GPAA1: variants seen among roughly 807,000 people sequenced by gnomAD.
The protein encoded by GPAA1 is glycosylphosphatidylinositol anchor attachment 1, also known as GPI-anchor transamidase component GPAA1.
In GPAA1, 54 loss-of-function variants were observed where a neutral mutation model predicts 64.0. That is an observed-to-expected ratio of 0.84 (90% CI 0.68 to 1.06). GPAA1 has a LOEUF of 1.06. GPAA1 is among the 50% of genes least tolerant of loss of function. The pLI, the probability that GPAA1 is intolerant of heterozygous loss-of-function variation, is 0.00. For synonymous variants in GPAA1, 393 were observed against 377.3 expected (o/e 1.04, Z -0.48); for missense variants, 780 against 822.3 (o/e 0.95, Z 0.63).
At position 144,083,723 on chromosome 8, in the gene GPAA1, G is replaced by A; in HGVS notation, c.376G>A (p.Gly126Ser). 6.2e-7 allele frequency: 1 copy of A among 1,602,916 alleles called. No homozygotes were observed. The highest frequency in any genetic ancestry group is 1.7e-5 in the Admixed American group (1 of 59,970). The change falls in exon 4 of 12, where the codon GGC (glycine) becomes AGC (serine). Residue 126 changes from glycine to serine, a missense_variant. Coordinates refer to ENST00000355091, the MANE Select transcript of GPAA1 (RefSeq NM_003801.4). ...CCGATGCTGCATACAGATGGTGTCG[G>A]GCACCAACGTGTACGGCATCCTGCG... The part of the protein sequence containing the change: ...DETHERYMVS[G>S]TNVYGILRAP...
Position 144,084,343 on chromosome 8 carries a change from G to A in GPAA1, c.813+13G>A, listed in dbSNP as rs781975635. On this transcript the variant is annotated intron_variant, in intron 6 of 11. Coordinates refer to ENST00000355091, the MANE Select transcript of GPAA1 (RefSeq NM_003801.4). The stretch of plus-strand genomic sequence containing the variant: ...GCTTCAGGGCAAGGTGGGGCTGCCT[G>A]CCTGCCTGAGGGCTGAAGGGCACAG... 8.7e-6 allele frequency: 14 copies of A among 1,612,598 alleles called. No individual in the cohort carries two copies. In the Admixed American group the frequency reaches 2.3e-4, roughly 27 times the overall value.
chr8:144,084,799 C>T lies in GPAA1; in HGVS notation c.1088C>T (p.Pro363Leu), dbSNP rs1835969845. 6.2e-7 allele frequency: 1 copy of T among 1,613,738 alleles called. No individual in the cohort carries two copies. Reference protein sequence around the residue: ...LHQSFFLYLLPGLSRFVSIGL... With the variant: ...LHQSFFLYLLLGLSRFVSIGL... The stretch of plus-strand genomic sequence containing the variant: ...CAGTCCTTCTTCCTCTACTTGCTCC[C>T]CGGCCTCTCCCGCTTCGTCTCCATC... Residue 363 changes from proline (P) to leucine (L), a missense_variant, in exon 8 of 12, where the codon CCC (proline) becomes CTC (leucine). By Grantham distance (98) the Pro-to-Leu change is moderately conservative. Transcript: ENST00000355091.
At chr8:144,084,082 G>A (rs1554763964) in intron 5 of GPAA1, 42 bp downstream of exon 5, 2 of 1,608,364 alleles carry the variant, frequency 1.2e-6, no homozygotes, top group South Asian at 2.2e-5. Context: ...CCCTCTCAGG[G>A]TCACTGTCCT....
chr8:144,083,693 C>T, intron 3 of GPAA1, 21 bp from the exon 4 acceptor site: 3 of 1,592,336 alleles, frequency 1.9e-6, no homozygotes, highest in Non-Finnish European at 2.6e-6. Context: ...CTGAGGCTCC[C>T]CCCACCGATG....
Position 144,084,171 on chromosome 8 carries a change from C to T in GPAA1, c.654C>T (p.Ala218=). ...CTCCCCTGCAGGGCCGAGCTGGGGC[C>T]ATTCAGGCAGCCGTGGCCCTGGAGC... ...QSSPLQGRAG[A]IQAAVALELS... is the part of the protein sequence containing the mutation. Residue 218 remains alanine, a synonymous_variant, in exon 6 of 12, where the codon GCC becomes GCT. Transcript: ENST00000355091. The T allele has an allele frequency of 1.9e-6, 3 of 1,613,606 alleles. No homozygotes were observed. Among genetic ancestry groups the T allele is most frequent in the Non-Finnish European group, 2.5e-6 (3 of 1,180,004 alleles).
At position 144,085,702 on chromosome 8, in the gene GPAA1, C is replaced by G; in HGVS notation, c.1581C>G (p.Thr527=). The change falls in exon 11 of 12, where the codon ACC becomes ACG. Residue 527 remains threonine (T), a synonymous_variant. Coordinates refer to ENST00000355091, the MANE Select transcript of GPAA1 (RefSeq NM_003801.4). Reference sequence around the variant, plus strand: ...CACTGGGCTTCCTGCTGGCCACCACCATGGTGCCCACTGCTGCGCTTGCCA... The same window carrying G: ...CACTGGGCTTCCTGCTGGCCACCACGATGGTGCCCACTGCTGCGCTTGCCA... ...NFSLGFLLAT[T]MVPTAALAKP... is the part of the protein sequence containing the mutation. 1.2e-6 allele frequency: 2 copies of G among 1,613,452 alleles called. No individual in the cohort carries two copies. Among genetic ancestry groups the G allele is most frequent in the Non-Finnish European group, 1.7e-6 (2 of 1,179,940 alleles).
chr8:144,082,665 C>A lies in GPAA1; in HGVS notation c.-66C>A. ...GGGTCCCCGGGTCTGACAGGAGCAG[C>A]CTGTGGGCACCGCGGCGGTAGTTGG... is the stretch of plus-strand genomic sequence containing the variant. On this transcript the variant is annotated 5_prime_UTR_variant, in exon 1 of 12. Transcript: ENST00000355091. 2 of 1,233,474 alleles carry A rather than the reference C, an allele frequency of 1.6e-6. No individual in the cohort carries two copies. The highest frequency in any genetic ancestry group is 1.6e-5 in the African/African-American group (1 of 63,616). The allele number at this position is 1,233,474 out of a possible 1,614,324, so 76.4% of individuals were successfully genotyped here.
rs1554764019 is a variant in GPAA1, at chr8:144,084,315, C to T, written c.798C>T (p.Cys266=). 3.1e-6 allele frequency: 5 copies of T among 1,613,730 alleles called. No individual in the cohort carries two copies. The South Asian group carries it at 4.4e-5, about 14-fold the overall frequency. The change falls in exon 6 of 12, where the codon TGC becomes TGT. Residue 266 remains cysteine, a synonymous_variant. Transcript: ENST00000355091. ...TCTGCCAGAAAGGGGGCCTGTTGTGCACGCTTCAGGGCAAGGTGGGGCTGC... is the reference window on the plus strand; with the variant it reads ...TCTGCCAGAAAGGGGGCCTGTTGTGTACGCTTCAGGGCAAGGTGGGGCTGC... ...QTFCQKGGLL[C]TLQGKLQPED...
Position 144,085,736 on chromosome 8 carries a change from G to A in GPAA1, c.1615G>A (p.Gly539Arg), listed in dbSNP as rs782481528. ...CACTGCTGCGCTTGCCAAGCCTCATGGGCCCCGGTATGTATGGATCAGCCC... is the reference window on the plus strand; with the variant it reads ...CACTGCTGCGCTTGCCAAGCCTCATAGGCCCCGGTATGTATGGATCAGCCC... ...VPTAALAKPH[G>R]PRTLYAALLV... The change falls in exon 11 of 12, where the codon GGG becomes AGG. Residue 539 changes from glycine to arginine, a missense_variant. Coordinates refer to ENST00000355091, the MANE Select transcript of GPAA1 (RefSeq NM_003801.4). 1.2e-6 allele frequency: 2 copies of A among 1,612,476 alleles called. No individual in the cohort carries two copies. The highest frequency in any genetic ancestry group is 1.7e-6 in the Non-Finnish European group (2 of 1,179,940).
chr8:144,085,741 C>T lies in GPAA1; in HGVS notation c.1620C>T (p.Pro540=). The change falls in exon 11 of 12, where the codon CCC becomes CCT. Residue 540 remains proline, a splice_region_variant and synonymous_variant. Coordinates refer to ENST00000355091, the MANE Select transcript of GPAA1 (RefSeq NM_003801.4). ...PTAALAKPHG[P]RTLYAALLVL... is the part of the protein sequence containing the mutation. ...CTGCGCTTGCCAAGCCTCATGGGCC[C>T]CGGTATGTATGGATCAGCCCCACTT... 1 of 1,612,230 alleles carries T rather than the reference C, an allele frequency of 6.2e-7. No individual in the cohort carries two copies. Among genetic ancestry groups the T allele is most frequent in the Non-Finnish European group, 8.5e-7 (1 of 1,179,948 alleles).
rs1279057004 is a variant in GPAA1, at chr8:144,085,046, C to T, written c.1168C>T (p.Leu390=). Residue 390 remains leucine (L), a synonymous_variant, in exon 9 of 12, where the codon CTG becomes TTG. Transcript: ENST00000355091. ...TTGGGGTCCTTGATTGGGCTACGCT[C>T]TGGAACTGTGGATGCAGCTGCATGA... ...FLLLVLGLKA[L]ELWMQLHEAG... is the part of the protein sequence containing the mutation. The T allele has an allele frequency of 1.9e-6, 3 of 1,608,138 alleles. No homozygotes were observed. The highest frequency in any genetic ancestry group is 2.5e-6 in the Non-Finnish European group (3 of 1,177,194).
chr8:144,084,667 G>T (rs1835967662), intron 7 of GPAA1, 55 bp from the exon 8 acceptor site: 8 of 1,608,656 alleles, frequency 5.0e-6, no homozygotes, highest in Non-Finnish European at 6.8e-6. Flanking sequence ...CTGGAGCGGA[G>T]TGGGGGATGG....
rs1835970600 is a variant in GPAA1, at chr8:144,084,835, T to C, written c.1124T>C (p.Met375Thr). Reference sequence around the variant, plus strand: ...CGCTTCGTCTCCATCGGCCTCTACATGCCCGCTGTCGGCTTCTTGCTCCTG... The same window carrying C: ...CGCTTCGTCTCCATCGGCCTCTACACGCCCGCTGTCGGCTTCTTGCTCCTG... ...LSRFVSIGLY[M>T]PAVGFLLLVL... Residue 375 changes from methionine to threonine, a missense_variant, in exon 8 of 12, where the codon ATG becomes ACG. Met to Thr is a moderately conservative substitution (Grantham distance 81). Coordinates refer to ENST00000355091, the MANE Select transcript of GPAA1 (RefSeq NM_003801.4). 2 of 1,613,722 alleles carry C rather than the reference T, an allele frequency of 1.2e-6. No homozygotes were observed. The highest frequency in any genetic ancestry group is 1.3e-5 in the African/African-American group (1 of 75,056).
rs782471495 is a variant in GPAA1 at position 144,083,792 on chromosome 8, C to T, written c.445C>T (p.Pro149Ser). Residue 149 changes from proline (P) to serine (S), a missense_variant, in exon 4 of 12, where the codon CCC becomes TCC. Pro to Ser is a moderately conservative substitution (Grantham distance 74). Transcript: ENST00000355091. ...CACCGAGTCGCTTGTGCTCACCGTG[C>T]CCTGTGGCTCTGACTCTACCAACAG... ...ASTESLVLTV[P>S]CGSDSTNSQA... 1 of 1,608,796 alleles carries T rather than the reference C, an allele frequency of 6.2e-7. No individual in the cohort carries two copies. The highest frequency in any genetic ancestry group is 8.5e-7 in the Non-Finnish European group (1 of 1,179,848).
At chr8:144,083,584 C>A in intron 3 of GPAA1, 84 bp downstream of exon 3, 1 of 1,428,582 alleles carries the variant, frequency 7.0e-7, no homozygotes, top group South Asian at 1.2e-5. Context: ...GCGGGGGTGT[C>A]ATGGGGCCAG....
rs782374867 is a variant in GPAA1 at position 144,084,501 on chromosome 8, G to A, written c.902G>A (p.Arg301His). 1.2e-5 allele frequency: 19 copies of A among 1,613,168 alleles called. No individual in the cohort carries two copies. The highest frequency in any genetic ancestry group is 5.5e-5 in the South Asian group (5 of 91,084). ...ATGGTTCTGCGGCAGGCCTCCGGCC[G>A]CCCCCACGGCTCCCATGGCCTCTTC... The part of the protein sequence containing the change: ...LLMVLRQASG[R>H]PHGSHGLFLR... The change falls in exon 7 of 12, where the codon CGC becomes CAC. Residue 301 changes from arginine to histidine, a missense_variant. Transcript: ENST00000355091.
Position 144,084,815 on chromosome 8 carries a change from C to T in GPAA1, c.1104C>T (p.Phe368=), listed in dbSNP as rs371058225. 269 of 1,613,572 alleles carry T rather than the reference C, an allele frequency of 1.7e-4. No homozygotes were observed. Among genetic ancestry groups the T allele is most frequent in the Non-Finnish European group, 2.1e-4 (249 of 1,179,996 alleles). ...ACTTGCTCCCCGGCCTCTCCCGCTT[C>T]GTCTCCATCGGCCTCTACATGCCCG... ...FLYLLPGLSR[F]VSIGLYMPAV... Residue 368 remains phenylalanine (F), a synonymous_variant, in exon 8 of 12, where the codon TTC becomes TTT. Transcript: ENST00000355091.
chr8:144,085,379 G>T lies in GPAA1; in HGVS notation c.1351G>T (p.Val451Phe). Residue 451 changes from valine (V) to phenylalanine (F), a missense_variant, in exon 10 of 12, where the codon GTT becomes TTT. By Grantham distance (50) the Val-to-Phe change is conservative (BLOSUM62 -1). Coordinates refer to ENST00000355091, the MANE Select transcript of GPAA1 (RefSeq NM_003801.4). ...TGTCCTGCCAGTGCTGGGCCAACACGTTGCCACCCAGCACTTCCCAGTGGC... is the reference window on the plus strand; with the variant it reads ...TGTCCTGCCAGTGCTGGGCCAACACTTTGCCACCCAGCACTTCCCAGTGGC... Reference protein sequence around the residue: ...LYVLPVLGQHVATQHFPVAEA... With the variant: ...LYVLPVLGQHFATQHFPVAEA... The T allele has an allele frequency of 6.2e-7, 1 of 1,608,664 alleles. No homozygotes were observed.
rs1587591091 is a variant in GPAA1 at position 144,082,799 on chromosome 8, G to A, written c.69G>A (p.Pro23=). Residue 23 remains proline (P), a synonymous_variant, in exon 1 of 12, where the codon CCG becomes CCA. Transcript: ENST00000355091. ...GCCTAGTGCTGCGCCTCAACGCGCC[G>A]TTGTGGTGAGGACAGGGCCCGGGGA... ...LARLVLRLNA[P]LCVLSYVAGI... is the part of the protein sequence containing the mutation. The A allele has an allele frequency of 2.0e-6, 3 of 1,464,190 alleles. No individual in the cohort carries two copies. The highest frequency in any genetic ancestry group is 1.3e-5 in the South Asian group (1 of 75,596). 90.7% of individuals were successfully genotyped at this position (1,464,190 alleles called of 1,614,324 possible). A position where few individuals can be genotyped will look rare whatever the true frequency, so the allele number is the denominator to read the frequency against.
Sources: allele counts gnomAD v4.1 joint callset, GRCh38; gene constraint gnomAD v4.1.1; transcripts MANE v1.5; gene names NCBI Gene and HGNC (gene_info 2026-07-23, HGNC 2026-07-21).